Variants in DAB1 observed in about 807,000 individuals in gnomAD.
DAB1 encodes the protein DAB adaptor protein 1.
In DAB1, 15 loss-of-function variants were observed where a neutral mutation model predicts 64.6. That is an observed-to-expected ratio of 0.23 (90% CI 0.16 to 0.36). The LOEUF is 0.36. DAB1 is among the 10% of genes least tolerant of loss of function. DAB1 has a pLI of 1.00. For missense variants in DAB1, 596 were observed against 706.7 expected (o/e 0.84, Z 1.78); for synonymous variants, 235 against 251.9 (o/e 0.93, Z 0.64).
chr1:57,261,207 G>C (rs550298441), intron 2 of DAB1, among the ~76,000 whole-genome samples: 1 of 152,082 alleles, frequency 6.6e-6, no homozygotes, highest in South Asian at 2.1e-4. Context: ...CAAGAAACAC[G>C]GTCACGGTGT....
At chr1:57,683,135 G>C (rs1646655982) in intron 6 of DAB1, among the ~76,000 whole-genome samples, 1 of 152,194 alleles carries the variant, frequency 6.6e-6, no homozygotes, top group Admixed American at 6.5e-5. Context: ...GCCCGCATTT[G>C]AGCAGAGGAG....
chr1:58,450,727 C>T (rs1645126652), intron 3 of DAB1, among the ~76,000 whole-genome samples: 1 of 152,156 alleles, frequency 6.6e-6, no homozygotes, highest in African/African-American at 2.4e-5. Flanking sequence ...GCACTCCAGC[C>T]TGGGTGACAG....
chr1:57,063,610 G>A (rs746818087), intron 8 of DAB1, among the ~76,000 whole-genome samples: 17 of 152,174 alleles, frequency 1.1e-4, no homozygotes, highest in Non-Finnish European at 2.1e-4. Flanking sequence ...GACAGGCTGA[G>A]CAGGTCACTG....
Position 57,733,101 on chromosome 1 carries a change from G to C in DAB1, n.552-83436C>G, listed in dbSNP as rs139274613. 1.7e-4 allele frequency among the ~76,000 whole-genome samples: 26 copies of C among 152,162 alleles called. 1 individual carries two copies. In the East Asian group the frequency reaches 5.0e-3, roughly 29 times the overall value. On this transcript the variant is annotated intron_variant and non_coding_transcript_variant, in intron 6 of 20. Coordinates refer to the DAB1 transcript ENST00000485760. ...AAGGACTTGGATTAAGGAACGAAAAGACAGAGAGGGGAAAAAGTGAAGATA... is the reference window on the plus strand; with the variant it reads ...AAGGACTTGGATTAAGGAACGAAAACACAGAGAGGGGAAAAAGTGAAGATA...
At chr1:57,959,546 A>T (rs1031097996) in intron 5 of DAB1, among the ~76,000 whole-genome samples, 1 of 152,174 alleles carries the variant, frequency 6.6e-6, no homozygotes, top group African/African-American at 2.4e-5. Flanking sequence ...AGGGATGTAA[A>T]TTGGTAGCCA....
At chr1:57,192,337 A>G (rs1476274673) in intron 2 of DAB1, among the ~76,000 whole-genome samples, 1 of 152,026 alleles carries the variant, frequency 6.6e-6, no homozygotes, top group Non-Finnish European at 1.5e-5. Flanking sequence ...GGAAAAAAAA[A>G]AAAAAAGAGT....
At chr1:57,478,379 G>A (rs544932866) in intron 7 of DAB1, among the ~76,000 whole-genome samples, 1 of 152,144 alleles carries the variant, frequency 6.6e-6, no homozygotes, top group Admixed American at 6.5e-5. Context: ...GCTGTCAAAG[G>A]CTACTTTGTT....
chr1:57,184,284 G>A (rs1305748526), intron 2 of DAB1, among the ~76,000 whole-genome samples: 2 of 152,176 alleles, frequency 1.3e-5, no homozygotes, highest in Non-Finnish European at 2.9e-5. Flanking sequence ...TCAGGTCAAA[G>A]TGTATAATAC....
intron 5 of DAB1, among the ~76,000 whole-genome samples, chr1:58,070,422 C>T (rs993246959): frequency 5.3e-5 from 8 of 152,090 alleles, no homozygotes; most frequent in African/African-American, 4.8e-5. Flanking sequence ...TACATACTTG[C>T]GATTTGTAGG....
At chr1:58,358,953 A>AACACACACACACCCACACAC (rs1644137808) in intron 3 of DAB1, among the ~76,000 whole-genome samples, 1 of 123,850 alleles carries the variant, frequency 8.1e-6, no homozygotes, top group South Asian at 3.0e-4. Flanking sequence ...CTCTCTCTGT[A>AACACACACACACCCACACAC]ACACACACAC....
intron 1 of DAB1, among the ~76,000 whole-genome samples, chr1:57,865,586 T>C (rs1398283368): frequency 6.6e-6 from 1 of 152,292 alleles, no homozygotes; most frequent in African/African-American, 2.4e-5. Context: ...CACCTCTTCA[T>C]TATTGGCTCT....
At chr1:57,940,671 G>A (rs915217786) in intron 5 of DAB1, among the ~76,000 whole-genome samples, 1 of 152,080 alleles carries the variant, frequency 6.6e-6, no homozygotes, top group African/African-American at 2.4e-5. Context: ...ACTGCTCCAG[G>A]GACACCATTT....
intron 7 of DAB1, among the ~76,000 whole-genome samples, chr1:57,511,291 T>A (rs1292400543): frequency 6.6e-6 from 1 of 152,184 alleles, no homozygotes; most frequent in African/African-American, 2.4e-5. Flanking sequence ...TCAACCTCCC[T>A]CACCCAACTA....
intron 1 of DAB1, among the ~76,000 whole-genome samples, chr1:57,422,110 T>C (rs1558357015): frequency 6.6e-6 from 1 of 152,170 alleles, no homozygotes; most frequent in African/African-American, 2.4e-5. Flanking sequence ...TGTACCAACG[T>C]GAACTGGATA....
intron 1 of DAB1, among the ~76,000 whole-genome samples, chr1:57,300,576 C>A (rs1161285487): frequency 6.6e-6 from 1 of 152,126 alleles, no homozygotes; most frequent in Non-Finnish European, 1.5e-5. Context: ...AACAGCTCAT[C>A]ATGGCTGGGT....
At chr1:57,759,767 G>C (rs1186357594) in intron 6 of DAB1, among the ~76,000 whole-genome samples, 1 of 152,134 alleles carries the variant, frequency 6.6e-6, no homozygotes, top group African/African-American at 2.4e-5. Context: ...GCTAGAATAG[G>C]TGAGACATGA....
intron 5 of DAB1, among the ~76,000 whole-genome samples, chr1:57,925,217 T>G (rs1644862542): frequency 1.3e-5 from 2 of 152,340 alleles, no homozygotes; most frequent in Non-Finnish European, 1.5e-5. Context: ...GAGTATGTGT[T>G]GAGTTTCACT....
At chr1:57,459,860 C>T (rs1686723673) in intron 7 of DAB1, among the ~76,000 whole-genome samples, 1 of 152,164 alleles carries the variant, frequency 6.6e-6, no homozygotes, top group Non-Finnish European at 1.5e-5. Flanking sequence ...TTTAAGGCAT[C>T]AAGGGAAGTG....
At chr1:57,053,688 A>ATTTTTTTT (rs61374333) in intron 9 of DAB1, among the ~76,000 whole-genome samples, 2 of 71,422 alleles carry the variant, frequency 2.8e-5, no homozygotes, top group African/African-American at 5.5e-5. Context: ...ATATATATAT[A>ATTTTTTTT]TTTTTTTTTT....
Sources: gnomAD v4.1 joint callset for allele counts (sites outside exome capture counted in the v4.1 genomes callset) on GRCh38, gnomAD v4.1.1 for gene constraint, MANE v1.5 for transcripts, NCBI Gene and HGNC (gene_info 2026-07-23, HGNC 2026-07-21) for gene names.